Variants in VCF1 observed in about 807,000 individuals in gnomAD.
VCF1 encodes protein VCF1.
At chr17:73,209,965 G>A in the VCF1 span, among the ~76,000 whole-genome samples, 1 of 152,192 alleles carries the variant, frequency 6.6e-6, no homozygotes, top group African/African-American at 2.4e-5. Context: ...ACCCTGTCAG[G>A]CTGAGCAGGG....
At chr17:73,219,191 CAA>C in the VCF1 span, among the ~76,000 whole-genome samples, 3 of 41,870 alleles carry the variant, frequency 7.2e-5, no homozygotes, top group African/African-American at 9.9e-5. Context: ...AACTCCGTCT[CAA>C]AAAAAAAAAA....
At chr17:73,230,642 C>T in the VCF1 span, among the ~76,000 whole-genome samples, 1 of 152,154 alleles carries the variant, frequency 6.6e-6, no homozygotes, top group Non-Finnish European at 1.5e-5. Context: ...GGTGATCCGC[C>T]CGCCTTGACT....
At chr17:73,216,140 T>C in the VCF1 span, among the ~76,000 whole-genome samples, 689 of 151,816 alleles carry the variant, frequency 4.5e-3, 6 homozygotes, top group African/African-American at 0.016. Flanking sequence ...AGGTTAAGGA[T>C]CTGAAAGCAG....
the VCF1 span, chr17:73,232,240 G>C: frequency 5.6e-3 from 9,083 of 1,611,806 alleles, 45 homozygotes; most frequent in Middle Eastern, 0.014. Context: ...GACGCAGCCG[G>C]TGGCGAGTAC....
chr17:73,208,324 C>A, the VCF1 span: 4 of 1,613,796 alleles, frequency 2.5e-6, no homozygotes, highest in Non-Finnish European at 3.4e-6. Flanking sequence ...GTTGTCCCCC[C>A]GGCACGCTCC....
At chr17:73,227,282 G>GAA in the VCF1 span, 3 of 1,449,732 alleles carry the variant, frequency 2.1e-6, no homozygotes, top group African/African-American at 3.2e-5. Context: ...TAAATCACAA[G>GAA]GAGAAAAAAA....
chr17:73,220,124 G>A, the VCF1 span, among the ~76,000 whole-genome samples: 1 of 152,082 alleles, frequency 6.6e-6, no homozygotes, highest in African/African-American at 2.4e-5. Flanking sequence ...CTCTAAGACG[G>A]ATTAAAGATG....
At chr17:73,224,970 C>CACAGGACAGG in the VCF1 span, among the ~76,000 whole-genome samples, 7 of 59,934 alleles carry the variant, frequency 1.2e-4, 1 homozygote, top group East Asian at 6.0e-4. Context: ...GACAGCACAG[C>CACAGGACAGG]ACAGCACAGC....
At chr17:73,223,231 C>T in the VCF1 span, among the ~76,000 whole-genome samples, 17 of 152,118 alleles carry the variant, frequency 1.1e-4, no homozygotes, top group Admixed American at 7.2e-4. Context: ...GCAGGATAAT[C>T]GCTTGAATCC....
the VCF1 span, among the ~76,000 whole-genome samples, chr17:73,230,890 T>C: frequency 6.6e-6 from 1 of 152,232 alleles, no homozygotes; most frequent in Non-Finnish European, 1.5e-5. Flanking sequence ...AGAATTTTTA[T>C]TTGTAGGAAA....
At chr17:73,207,738 G>A in the VCF1 span, 1 of 1,291,748 alleles carries the variant, frequency 7.7e-7, no homozygotes, top group Non-Finnish European at 1.0e-6. Flanking sequence ...GAATCCTCCT[G>A]GGTATTTCTG....
At chr17:73,217,128 G>A in the VCF1 span, among the ~76,000 whole-genome samples, 3 of 152,056 alleles carry the variant, frequency 2.0e-5, no homozygotes, top group African/African-American at 4.8e-5. Flanking sequence ...CCAGGAGTTC[G>A]AGACCAGCCT....
the VCF1 span, chr17:73,232,061 G>A: frequency 2.5e-6 from 4 of 1,573,634 alleles, no homozygotes; most frequent in East Asian, 9.3e-5. Flanking sequence ...GGCGACGAAT[G>A]GAAAGGGGGT....
chr17:73,229,126 G>A, the VCF1 span: 1 of 984,910 alleles, frequency 1.0e-6, no homozygotes, highest in Admixed American at 6.1e-5. Context: ...AGAGTCACAT[G>A]AAATATCCCT....
the VCF1 span, chr17:73,207,934 T>TA: frequency 2.9e-3 from 3,084 of 1,052,982 alleles, 1 homozygote; most frequent in South Asian, 7.3e-3. Flanking sequence ...GATGGTAGTT[T>TA]AAAAAAAAAA....
the VCF1 span, among the ~76,000 whole-genome samples, chr17:73,228,176 G>A: frequency 5.3e-5 from 8 of 152,208 alleles, no homozygotes; most frequent in Admixed American, 1.3e-4. Context: ...GGACATTTCC[G>A]TCACTGCAGA....
chr17:73,225,883 A>T, the VCF1 span, among the ~76,000 whole-genome samples: 5 of 36,392 alleles, frequency 1.4e-4, no homozygotes, highest in South Asian at 1.2e-3. Context: ...TATATATATA[A>T]TATATATATA....
the VCF1 span, among the ~76,000 whole-genome samples, chr17:73,219,770 C>T: frequency 2.0e-5 from 3 of 151,932 alleles, no homozygotes; most frequent in African/African-American, 4.8e-5. Context: ...TCCAGGAGTT[C>T]GAGATCAGCC....
chr17:73,232,249 A>G, the VCF1 span: 2 of 1,611,198 alleles, frequency 1.2e-6, no homozygotes, highest in Non-Finnish European at 1.7e-6. Flanking sequence ...GGTGGCGAGT[A>G]CCCCTCAGTC....
Sources: gnomAD v4.1 joint callset for allele counts (sites outside exome capture counted in the v4.1 genomes callset) on GRCh38, gnomAD v4.1.1 for gene constraint, MANE v1.5 for transcripts, NCBI Gene and HGNC (gene_info 2026-07-23, HGNC 2026-07-21) for gene names.